Variants in PSMA5 observed in about 807,000 individuals in gnomAD.
The protein encoded by PSMA5 is proteasome 20S subunit alpha 5.
PSMA5 carries 3 observed loss-of-function variants against 34.5 expected under a neutral mutation model. The ratio of observed to expected loss-of-function variants is 0.09; its 90% confidence interval spans 0.04 to 0.22. The LOEUF (loss-of-function observed/expected upper bound fraction) is 0.22, where lower values mean the gene tolerates loss of function less well. Ranked by LOEUF, PSMA5 falls within the 10% of genes least tolerant of loss-of-function variation. PSMA5 has a pLI of 1.00. For synonymous variants in PSMA5, 88 were observed against 95.8 expected (o/e 0.92, Z 0.47); for missense variants, 120 against 286.1 (o/e 0.42, Z 4.19).
rs11314171 is a variant in PSMA5 at position 109,401,798 on chromosome 1, T to TAAAA, written c.*211_*214dup. 9 of 203,708 alleles carry TAAAA rather than the reference T, an allele frequency of 4.4e-5. No homozygotes were observed. The highest frequency in any genetic ancestry group is 1.1e-4 in the South Asian group (1 of 8,876). 12.6% of individuals were successfully genotyped at this position (203,708 alleles called of 1,614,324 possible). A position where few individuals can be genotyped will look rare whatever the true frequency, so the allele number is the denominator to read the frequency against. ...GGCAATATAGTGAGACCTCATCTCT[T>TAAAA]AAAAAAAAAAAAAAAAAAAAGACTA... On this transcript the variant is annotated 3_prime_UTR_variant, in exon 9 of 9. Coordinates refer to ENST00000271308, the MANE Select transcript of PSMA5 (RefSeq NM_002790.4).
chr1:109,423,430 C>T (rs1339392498), intron 1 of PSMA5, among the ~76,000 whole-genome samples: 2 of 152,230 alleles, frequency 1.3e-5, no homozygotes, highest in Non-Finnish European at 2.9e-5. Flanking sequence ...GTGCTAAGCA[C>T]AAGTTACTTC....
At chr1:109,407,078 C>T (rs1252815131) in intron 8 of PSMA5, among the ~76,000 whole-genome samples, 2 of 152,282 alleles carry the variant, frequency 1.3e-5, no homozygotes, top group Non-Finnish European at 1.5e-5. Flanking sequence ...AGCTCCGCCT[C>T]ACGGGTTCAC....
At chr1:109,411,150 G>A in intron 6 of PSMA5, 37 bp from the exon 7 acceptor site, 1 of 1,466,704 alleles carries the variant, frequency 6.8e-7, no homozygotes, top group East Asian at 2.3e-5. Context: ...AAATGCTCAG[G>A]AGTGGTGGCA....
rs1023984606 is a variant in PSMA5, at chr1:109,399,935, C to T, written c.*2078G>A. 9.2e-5 allele frequency: 14 copies of T among 152,130 alleles called. No individual in the cohort carries two copies. The highest frequency in any genetic ancestry group is 2.1e-4 in the Non-Finnish European group (14 of 68,016). The allele number at this position is 152,130 out of a possible 1,614,324, so 9.4% of individuals were successfully genotyped here. A position where few individuals can be genotyped will look rare whatever the true frequency, so the allele number is the denominator to read the frequency against. On this transcript the variant is annotated 3_prime_UTR_variant, in exon 9 of 9. Transcript: ENST00000271308. ...TATTACTAAAAACCGTACCTTTCTC[C>T]AGGAAACATTCTATAGCAGAAAGAT...
At chr1:109,416,009 A>C (rs777668704) in intron 2 of PSMA5, among the ~76,000 whole-genome samples, 26 of 152,042 alleles carry the variant, frequency 1.7e-4, no homozygotes, top group Non-Finnish European at 3.1e-4. Flanking sequence ...TCTCTACGTA[A>C]CTCCCAGTCA....
At chr1:109,413,200 G>A in intron 3 of PSMA5, 65 bp from the exon 4 acceptor site, 1 of 1,466,890 alleles carries the variant, frequency 6.8e-7, no homozygotes, top group Non-Finnish European at 9.5e-7. Context: ...ATCCACTCAG[G>A]AAATCCTGAA....
chr1:109,411,297 A>G (rs1240609492), intron 6 of PSMA5, among the ~76,000 whole-genome samples, 184 bp from the exon 7 acceptor site: 1 of 152,216 alleles, frequency 6.6e-6, no homozygotes, highest in Non-Finnish European at 1.5e-5. Flanking sequence ...AAAACTGTTT[A>G]AGAAAATTAG....
intron 7 of PSMA5, 68 bp downstream of exon 7, chr1:109,410,943 C>T: frequency 8.2e-7 from 1 of 1,217,798 alleles, no homozygotes. Context: ...TTAAGGTTTG[C>T]ACATTTTATT....
Position 109,411,125 on chromosome 1 carries a change from C to T in PSMA5, c.459-12G>A, listed in dbSNP as rs1292220492. The T allele has an allele frequency of 6.3e-6, 10 of 1,599,202 alleles. No homozygotes were observed. The highest frequency in any genetic ancestry group is 8.6e-6 in the Non-Finnish European group (10 of 1,168,870). ...GGTCCATATGAAACCTGCAAAACCC[C>T]CAAAATGAGGACTAAAATGCTCAGG... On this transcript the variant is annotated splice_polypyrimidine_tract_variant and intron_variant, in intron 6 of 8. Transcript: ENST00000271308.
intron 6 of PSMA5, among the ~76,000 whole-genome samples, chr1:109,411,361 T>C (rs1213361406): frequency 2.0e-5 from 3 of 152,198 alleles, no homozygotes; most frequent in Non-Finnish European, 4.4e-5. Flanking sequence ...TACTTGTTTA[T>C]GCCTATCTTA....
At chr1:109,413,202 A>C in intron 3 of PSMA5, 67 bp from the exon 4 acceptor site, 1 of 1,467,600 alleles carries the variant, frequency 6.8e-7, no homozygotes, top group Non-Finnish European at 9.5e-7. Context: ...CCACTCAGGA[A>C]ATCCTGAAAT....
chr1:109,406,143 A>G (rs1229658464), intron 8 of PSMA5, among the ~76,000 whole-genome samples: 2 of 152,236 alleles, frequency 1.3e-5, no homozygotes, highest in Non-Finnish European at 2.9e-5. Flanking sequence ...ATCCTTCAAA[A>G]AAGTCAAATG....
At chr1:109,420,517 T>G (rs1444801274) in intron 2 of PSMA5, among the ~76,000 whole-genome samples, 4 of 152,210 alleles carry the variant, frequency 2.6e-5, no homozygotes, top group Non-Finnish European at 5.9e-5. Context: ...TGTTACAAGG[T>G]TTATAGAACT....
At chr1:109,412,979 A>G in intron 4 of PSMA5, 89 bp downstream of exon 4, 2 of 1,094,198 alleles carry the variant, frequency 1.8e-6, no homozygotes, top group Non-Finnish European at 2.8e-6. Flanking sequence ...ATATTGACAC[A>G]GGTACCTGCA....
Position 109,416,605 on chromosome 1 carries a change from C to T in PSMA5, c.97-1242G>A, listed in dbSNP as rs188533786. ...CTGCAAAGAGTTCCAAAGAATCCCA[C>T]GAATCTTTATGTATAACTTGCTTAA... is the stretch of plus-strand genomic sequence containing the variant. On this transcript the variant is annotated intron_variant, in intron 2 of 8. Transcript: ENST00000271308. 5.8e-4 allele frequency among the ~76,000 whole-genome samples: 89 copies of T among 152,298 alleles called. 2 individuals are homozygous for T. The highest frequency in any genetic ancestry group is 2.0e-3 in the Admixed American group (31 of 15,294).
chr1:109,410,954 A>G, intron 7 of PSMA5, 57 bp downstream of exon 7: 2 of 1,291,340 alleles, frequency 1.5e-6, no homozygotes, highest in South Asian at 2.5e-5. Flanking sequence ...ACATTTTATT[A>G]TATGTAAATT....
intron 2 of PSMA5, among the ~76,000 whole-genome samples, chr1:109,416,087 A>G (rs1654182303): frequency 6.6e-6 from 1 of 152,220 alleles, no homozygotes; most frequent in Non-Finnish European, 1.5e-5. Context: ...TAAACACATT[A>G]TATATTATAA....
chr1:109,412,352 A>C, intron 4 of PSMA5, 168 bp from the exon 5 acceptor site: 1 of 578,720 alleles, frequency 1.7e-6, no homozygotes, highest in Non-Finnish European at 3.1e-6. Flanking sequence ...GAGGAAGAGA[A>C]ATAGCTCTGG....
intron 8 of PSMA5, among the ~76,000 whole-genome samples, chr1:109,409,545 GAACTA>G (rs1653913088): frequency 6.6e-6 from 1 of 152,110 alleles, no homozygotes; most frequent in African/African-American, 2.4e-5. Flanking sequence ...AATTTCTTAG[GAACTA>G]AACATACAAA....
Sources: gnomAD v4.1 joint callset for allele counts (sites outside exome capture counted in the v4.1 genomes callset) on GRCh38, gnomAD v4.1.1 for gene constraint, MANE v1.5 for transcripts, NCBI Gene and HGNC (gene_info 2026-07-23, HGNC 2026-07-21) for gene names.